Variants in SUGCT observed in about 807,000 individuals in gnomAD.
SUGCT encodes succinyl-CoA:glutarate CoA-transferase.
In SUGCT, 41 loss-of-function variants were observed where a neutral mutation model predicts 55.0. The ratio of observed to expected loss-of-function variants is 0.74; its 90% CI spans 0.58 to 0.97. The LOEUF (loss-of-function observed/expected upper bound fraction) is 0.97. SUGCT is among the 50% of genes least tolerant of loss of function. The pLI is 0.00. For synonymous variants in SUGCT, 187 were observed against 200.4 expected, an observed-to-expected ratio of 0.93 and a Z score of 0.56; for missense variants, 568 against 547.8, an observed-to-expected ratio of 1.04 and a Z score of -0.37.
At chr7:40,868,825 G>A in the SUGCT span, among the ~76,000 whole-genome samples, 1 of 152,164 alleles carries the variant, frequency 6.6e-6, no homozygotes, top group African/African-American at 2.4e-5. Flanking sequence ...TCGGATTACA[G>A]GTGTGAGCCA....
At chr7:40,924,267 T>TGTGTGC in the SUGCT span, among the ~76,000 whole-genome samples, 3 of 129,142 alleles carry the variant, frequency 2.3e-5, no homozygotes, top group African/African-American at 8.0e-5. Flanking sequence ...TTCAATTACG[T>TGTGTGC]GTGTGTGTGT....
chr7:40,246,184 C>CG (rs1316928541), intron 7 of SUGCT, among the ~76,000 whole-genome samples: 1 of 152,110 alleles, frequency 6.6e-6, no homozygotes, highest in Non-Finnish European at 1.5e-5. Flanking sequence ...CCAGAGATAA[C>CG]CACTATTTTT....
At chr7:40,594,670 C>T (rs907115304) in intron 12 of SUGCT, among the ~76,000 whole-genome samples, 2 of 152,154 alleles carry the variant, frequency 1.3e-5, no homozygotes, top group African/African-American at 4.8e-5. Context: ...CAGCTGGGGA[C>T]ACCCCTCCTC....
At chr7:40,471,130 C>T (rs887078429) in intron 11 of SUGCT, among the ~76,000 whole-genome samples, 3 of 151,874 alleles carry the variant, frequency 2.0e-5, no homozygotes, top group African/African-American at 7.3e-5. Flanking sequence ...TTTTTAAACA[C>T]ATCAAAATAT....
the SUGCT span, among the ~76,000 whole-genome samples, chr7:40,898,061 C>T: frequency 2.0e-5 from 3 of 152,130 alleles, no homozygotes; most frequent in Non-Finnish European, 2.9e-5. Context: ...GCTGCTTATT[C>T]CTTGGGTCCA....
intron 9 of SUGCT, among the ~76,000 whole-genome samples, chr7:40,377,863 A>C: frequency 6.6e-6 from 1 of 152,126 alleles, no homozygotes; most frequent in East Asian, 1.9e-4. Context: ...TTCTTGGTAT[A>C]TGTTTTTGTT....
intron 1 of SUGCT, among the ~76,000 whole-genome samples, chr7:40,159,296 C>A (rs575232458): frequency 1.3e-4 from 19 of 151,900 alleles, no homozygotes; most frequent in Non-Finnish European, 2.6e-4. Context: ...GGTTTTGTGG[C>A]TGGCATTGGC....
At chr7:40,492,406 C>G (rs1004027936) in intron 11 of SUGCT, among the ~76,000 whole-genome samples, 13 of 152,122 alleles carry the variant, frequency 8.5e-5, no homozygotes, top group Non-Finnish European at 1.2e-4. Flanking sequence ...TCTACGTCAG[C>G]CATACATCTC....
chr7:40,274,037 G>A (rs1320010120), intron 7 of SUGCT, among the ~76,000 whole-genome samples: 4 of 139,044 alleles, frequency 2.9e-5, no homozygotes, highest in African/African-American at 1.1e-4. Flanking sequence ...AGCTATTGGT[G>A]TGCTTACAAG....
intron 13 of SUGCT, among the ~76,000 whole-genome samples, chr7:40,807,822 C>T (rs759914844): frequency 1.3e-4 from 20 of 152,164 alleles, no homozygotes; most frequent in Admixed American, 1.3e-4. Flanking sequence ...GAAGCCAGTC[C>T]GATTCCCAAA....
intron 6 of SUGCT, among the ~76,000 whole-genome samples, chr7:40,222,269 A>G (rs1027068799): frequency 2.6e-5 from 4 of 152,246 alleles, no homozygotes; most frequent in Non-Finnish European, 4.4e-5. Context: ...CCGTGTTACA[A>G]TAAGTAGGCT....
chr7:40,308,662 TG>T (rs1794965710), intron 8 of SUGCT, among the ~76,000 whole-genome samples: 1 of 152,168 alleles, frequency 6.6e-6, no homozygotes, highest in Admixed American at 6.5e-5. Flanking sequence ...CTTCACTGTA[TG>T]TAAGCTTTTT....
the SUGCT span, among the ~76,000 whole-genome samples, chr7:40,968,531 T>C: frequency 7.9e-5 from 12 of 152,242 alleles, no homozygotes; most frequent in African/African-American, 2.6e-4. Context: ...TGACTGTACA[T>C]TATTAGTGCC....
At chr7:40,831,082 T>C (rs1792641675) in intron 13 of SUGCT, among the ~76,000 whole-genome samples, 1 of 152,196 alleles carries the variant, frequency 6.6e-6, no homozygotes, top group Admixed American at 6.5e-5. Flanking sequence ...CTTAAGATCA[T>C]CATTTTTAAT....
intron 1 of SUGCT, among the ~76,000 whole-genome samples, chr7:40,160,272 A>G (rs1410742577): frequency 6.6e-6 from 1 of 152,202 alleles, no homozygotes; most frequent in African/African-American, 2.4e-5. Flanking sequence ...TTTGTCGCCC[A>G]GGATGGAGTG....
At chr7:40,318,017 T>G (rs1795530684) in intron 9 of SUGCT, among the ~76,000 whole-genome samples, 1 of 152,228 alleles carries the variant, frequency 6.6e-6, no homozygotes, top group South Asian at 2.1e-4. Context: ...GACATTTTGC[T>G]TCTCCACTTC....
At chr7:40,206,978 T>A (rs1787010976) in intron 6 of SUGCT, among the ~76,000 whole-genome samples, 1 of 151,812 alleles carries the variant, frequency 6.6e-6, no homozygotes, top group Non-Finnish European at 1.5e-5. Context: ...GCAGGAGGAT[T>A]GCTTGAGCCC....
chr7:40,900,929 G>A, the SUGCT span, among the ~76,000 whole-genome samples: 1 of 152,194 alleles, frequency 6.6e-6, no homozygotes, highest in Non-Finnish European at 1.5e-5. Flanking sequence ...ATAAATGAGG[G>A]AAAATATATG....
intron 1 of SUGCT, among the ~76,000 whole-genome samples, chr7:40,169,534 C>A (rs1161903857): frequency 6.6e-6 from 1 of 152,166 alleles, no homozygotes; most frequent in Non-Finnish European, 1.5e-5. Flanking sequence ...AGGACTGTCC[C>A]CTAGGGCAGT....
Sources: gnomAD v4.1 joint callset for allele counts (sites outside exome capture counted in the v4.1 genomes callset) on GRCh38, gnomAD v4.1.1 for gene constraint, MANE v1.5 for transcripts, NCBI Gene and HGNC (gene_info 2026-07-23, HGNC 2026-07-21) for gene names.